The following ZNF821 variants were observed in gnomAD, a reference collection of about 807,000 sequenced individuals.
ZNF821 encodes the protein zinc finger protein 821.
Under a neutral mutation model 44.3 loss-of-function variants are expected in ZNF821, and 16 were observed. That is an observed-to-expected ratio of 0.36 (90% CI 0.24 to 0.55). The LOEUF (loss-of-function observed/expected upper bound fraction) is 0.55. Among genes scored for constraint, ZNF821 ranks in the 20% least tolerant of loss-of-function variants. ZNF821 has a pLI of 0.86. For synonymous variants in ZNF821, 204 were observed against 197.6 expected, an observed-to-expected ratio of 1.03 and a Z score of -0.27; for missense variants, 436 against 547.6, an observed-to-expected ratio of 0.80 and a Z score of 2.03.
upstream of ZNF821, chr16:71,884,329 C>G (rs931765043): frequency 6.6e-6 from 1 of 152,042 alleles, no homozygotes; most frequent in Non-Finnish European, 1.5e-5. Flanking sequence ...CCGGGGAGCG[C>G]CCAATCCCGG....
chr16:71,860,374 C>A lies in ZNF821; in HGVS notation c.883G>T (p.Val295Leu), dbSNP rs1197062467. ...RDNETPEERE[V>L]RRMRDREAKR... Reference sequence around the variant, plus strand: ...GCTTCACGGTCCCTCATGCGCCTCACCTCCCGCTCCTCGGGGGTCTCATTG... The same window carrying A: ...GCTTCACGGTCCCTCATGCGCCTCAACTCCCGCTCCTCGGGGGTCTCATTG... Residue 295 changes from valine (V) to leucine (L), a missense_variant, in exon 8 of 8, where the codon GTG (valine) becomes TTG (leucine). Transcript: ENST00000425432. The surrounding 1 kb of genome is among the most constrained non-coding windows in gnomAD (Gnocchi z 7.3). The A allele has an allele frequency of 3.1e-6, 5 of 1,611,750 alleles. No individual in the cohort carries two copies. The highest frequency in any genetic ancestry group is 2.7e-5 in the African/African-American group (2 of 74,948).
At position 71,860,241 on chromosome 16, in the gene ZNF821, C is replaced by T. The variant is rs2033678590; in HGVS notation, c.1016G>A (p.Arg339Gln). The change falls in exon 8 of 8, where the codon CGG (arginine) becomes CAG (glutamine). Residue 339 changes from arginine to glutamine, a missense_variant. Arg to Gln is a conservative substitution (Grantham distance 43). Around this residue, in one of 5 missense-constraint regions of ZNF821, gnomAD observed 72 missense variants for 133.3 expected, o/e 0.54. Transcript: ENST00000425432. This position sits in a 1 kb window ranked among gnomAD's most constrained non-coding sequence, Gnocchi z 7.3. ...TCGCTCTCGGATGAGCCGGGCCTGC[C>T]GCTTTTCCGGGGTTTCATTGGCCCG... The part of the protein sequence containing the change: ...LKRANETPEK[R>Q]QARLIREREA... 1 of 1,614,094 alleles carries T rather than the reference C, an allele frequency of 6.2e-7. No individual in the cohort carries two copies. The highest frequency in any genetic ancestry group is 8.5e-7 in the Non-Finnish European group (1 of 1,180,044).
At chr16:71,864,875 C>A in intron 5 of ZNF821, 28 bp downstream of exon 5, 1 of 1,613,346 alleles carries the variant, frequency 6.2e-7, no homozygotes, top group Non-Finnish European at 8.5e-7. Flanking sequence ...CATTGCTGGA[C>A]CTGGACCCAG....
At position 71,875,506 on chromosome 16, in the gene ZNF821, C is replaced by T. The variant is rs374945728; in HGVS notation, c.40+4401G>A. Among the ~76,000 whole-genome samples the T allele has an allele frequency of 1.3e-4, 19 of 147,868 alleles. No homozygotes were observed. The East Asian group carries it at 1.6e-3, about 12-fold the overall frequency. On this transcript the variant is annotated intron_variant, in intron 3 of 7. Coordinates refer to ENST00000425432, the MANE Select transcript of ZNF821 (RefSeq NM_001201552.2). ...TCTTGCTCTGTCACCCAGGCTGGAG[C>T]GCAGTGGTGCGATCTCGGCTCACTG...
intron 3 of ZNF821, among the ~76,000 whole-genome samples, chr16:71,878,083 A>G (rs2036028422): frequency 6.7e-6 from 1 of 148,464 alleles, no homozygotes; most frequent in South Asian, 2.1e-4. Flanking sequence ...ACTTTACTCA[A>G]ACAGTTCATA....
At chr16:71,892,875 G>A (rs1338471768) in intron 1 of ZNF821, among the ~76,000 whole-genome samples, 9 of 150,476 alleles carry the variant, frequency 6.0e-5, no homozygotes, top group Non-Finnish European at 1.2e-4. Context: ...GATTACAGGC[G>A]CCCGCCACCA....
chr16:71,870,364 G>GA (rs1321513691), intron 3 of ZNF821, among the ~76,000 whole-genome samples: 10 of 141,226 alleles, frequency 7.1e-5, no homozygotes, highest in Non-Finnish European at 1.4e-4. Context: ...ACTGGGTAGA[G>GA]AAAACAAAAA....
chr16:71,860,285 C>G lies in ZNF821; in HGVS notation c.972G>C (p.Arg324=). The G allele has an allele frequency of 6.2e-7, 1 of 1,613,694 alleles. No homozygotes were observed. Among genetic ancestry groups the G allele is most frequent in the Non-Finnish European group, 8.5e-7 (1 of 1,180,020 alleles). ...EQRARRLQRD[R]EAMRLKRANE... is the part of the protein sequence containing the mutation. The stretch of plus-strand genomic sequence containing the variant: ...TGGCCCGCTTCAGCCTCATGGCCTC[C>G]CGATCCCGCTGCAGCCGGCGTGCCC... Residue 324 remains arginine (R), a synonymous_variant, in exon 8 of 8, where the codon CGG becomes CGC. Coordinates refer to ENST00000425432, the MANE Select transcript of ZNF821 (RefSeq NM_001201552.2). The surrounding 1 kb of genome is among the most constrained non-coding windows in gnomAD (Gnocchi z 7.3).
Position 71,860,696 on chromosome 16 carries a change from G to C in ZNF821, c.585-24C>G. 1 of 1,602,528 alleles carries C rather than the reference G, an allele frequency of 6.2e-7. No homozygotes were observed. Among genetic ancestry groups the C allele is most frequent in the South Asian group, 1.1e-5 (1 of 90,428 alleles). On this transcript the variant is annotated intron_variant, in intron 7 of 7. Transcript: ENST00000425432. The surrounding 1 kb of genome is among the most constrained non-coding windows in gnomAD (Gnocchi z 7.3). ...CACTGGAAAGGAAACATTTTGGATG[G>C]TTAGTGTTTCCTTCTAGCAAGAGTC...
In ZNF821 at chr16:71,893,029, C is replaced by CTTTTTTTTTTTTT. The variant is rs1199482590; in HGVS notation, n.448+1847_448+1859dup. Reference sequence around the variant, plus strand: ...TACAGGCATGAGCCACCCTGCCTGGCTTTTTTTTTTTTTTTTTTGAGATAT... The same window carrying CTTTTTTTTTTTTT: ...TACAGGCATGAGCCACCCTGCCTGGCTTTTTTTTTTTTTTTTTTTTTTTTTTTTTTTGAGATAT... On this transcript the variant is annotated intron_variant and non_coding_transcript_variant, in intron 1 of 2. Coordinates refer to the ZNF821 transcript ENST00000561700. Among the ~76,000 whole-genome samples the CTTTTTTTTTTTTT allele has an allele frequency of 2.1e-3, 141 of 65,908 alleles. 23 individuals carry two copies. Among genetic ancestry groups the CTTTTTTTTTTTTT allele is most frequent in the East Asian group, 4.6e-3 (6 of 1,318 alleles). 43.2% of individuals were successfully genotyped at this position (65,908 alleles called of 152,430 possible). A position where few individuals can be genotyped will look rare whatever the true frequency, so the allele number is the denominator to read the frequency against.
intron 1 of ZNF821, among the ~76,000 whole-genome samples, chr16:71,893,173 C>T (rs540647185): frequency 0.012 from 1,782 of 149,884 alleles, 11 homozygotes; most frequent in Non-Finnish European, 0.02. Context: ...TACAGGCGCC[C>T]GCCACAACCC....
chr16:71,882,934 A>C lies in ZNF821; in HGVS notation c.-78+277T>G, dbSNP rs373682207. On this transcript the variant is annotated intron_variant, in intron 2 of 7. Transcript: ENST00000425432. ...CCAAGCCAAAACCTGAAACCAAACC[A>C]AACCAAAAATGTAAATAGATAGCTG... Among the ~76,000 whole-genome samples the C allele has an allele frequency of 1.5e-4, 23 of 152,286 alleles. 1 individual carries two copies. The highest frequency in any genetic ancestry group is 9.2e-4 in the Admixed American group (14 of 15,292).
chr16:71,885,887 T>G (rs1386114647), upstream of ZNF821, among the ~76,000 whole-genome samples: 2 of 152,232 alleles, frequency 1.3e-5, no homozygotes, highest in Admixed American at 1.3e-4. Context: ...CGCAAGTGTT[T>G]GTACTATTTT....
At chr16:71,885,877 C>T (rs927704108), upstream of ZNF821, among the ~76,000 whole-genome samples, 2 of 152,150 alleles carry the variant, frequency 1.3e-5, no homozygotes, top group Admixed American at 6.5e-5. Context: ...TCATCCAACC[C>T]GCAAGTGTTT....
rs1350470042 is a variant in ZNF821, at chr16:71,864,225, A to G, written c.330T>C (p.Asn110=). ...GGCAGAGTTCAAGCAAGGGGTCAGA[A>G]TTCAAATTCCCTGTGACCTGTGATT... The part of the protein sequence containing the change: ...VVEHEVTGNL[N]SDPLLELCQC... The change falls in exon 6 of 8, where the codon AAT becomes AAC. Residue 110 remains asparagine, a synonymous_variant. Transcript: ENST00000425432. The G allele has an allele frequency of 1.2e-6, 2 of 1,614,232 alleles. No homozygotes were observed. Among genetic ancestry groups the G allele is most frequent in the South Asian group, 2.2e-5 (2 of 91,090 alleles).
Position 71,861,942 on chromosome 16 carries a change from G to A in ZNF821, c.418C>T (p.His140Tyr). 1.2e-6 allele frequency: 2 copies of A among 1,613,970 alleles called. No individual in the cohort carries two copies. The highest frequency in any genetic ancestry group is 1.7e-6 in the Non-Finnish European group (2 of 1,179,828). The change falls in exon 7 of 8, where the codon CAC becomes TAC. Residue 140 changes from histidine to tyrosine, a missense_variant and splice_region_variant. His to Tyr is a moderately conservative substitution (Grantham distance 83). Around this residue, in one of 5 missense-constraint regions of ZNF821, gnomAD observed 238 missense variants for 281.4 expected, o/e 0.85. Transcript: ENST00000425432. Reference protein sequence around the residue: ...REQLIAHVYQHTAAVVSAKSY... With the variant: ...REQLIAHVYQYTAAVVSAKSY... Reference sequence around the variant, plus strand: ...TTGGCGCTCACCACTGCTGCAGTGTGCTGTAAAACAGAGCCTTGATCTGTC... The same window carrying A: ...TTGGCGCTCACCACTGCTGCAGTGTACTGTAAAACAGAGCCTTGATCTGTC...
Position 71,893,134 on chromosome 16 carries a change from C to T in ZNF821, n.448+1755G>A, listed in dbSNP as rs1301461650. On this transcript the variant is annotated intron_variant and non_coding_transcript_variant, in intron 1 of 2. Coordinates refer to the ZNF821 transcript ENST00000561700. ...AATCTCTATCTCCTGGCGCCATTCT[C>T]CTGCCTCAGCCTCCCGAGTAGCTGG... Among the ~76,000 whole-genome samples, 7 of 142,356 alleles carry T rather than the reference C, an allele frequency of 4.9e-5. No individual in the cohort carries two copies. The South Asian group carries it at 1.6e-3, about 33-fold the overall frequency. 93.4% of individuals were successfully genotyped at this position (142,356 alleles called of 152,430 possible).
intron 1 of ZNF821, 195 bp from the exon 2 acceptor site, chr16:71,883,468 G>A (rs1420347288): frequency 1.2e-5 from 4 of 338,130 alleles, no homozygotes; most frequent in African/African-American, 4.3e-5. Flanking sequence ...AGGCGGCTCA[G>A]ACAAACCCTT....
At chr16:71,873,195 G>GC (rs1313078659) in intron 3 of ZNF821, among the ~76,000 whole-genome samples, 1 of 152,074 alleles carries the variant, frequency 6.6e-6, no homozygotes, top group Admixed American at 6.6e-5. Flanking sequence ...GGTGATGAAC[G>GC]CAAGTAATCC....
Sources: allele counts gnomAD v4.1 joint callset (sites outside exome capture counted in the v4.1 genomes callset), GRCh38; gene constraint gnomAD v4.1.1; regional missense constraint gnomAD v4.1.1; non-coding constraint Gnocchi (gnomAD v3.1); transcripts MANE v1.5; gene names NCBI Gene and HGNC (gene_info 2026-07-23, HGNC 2026-07-21).